Variants in ESR1 observed in about 807,000 individuals in gnomAD.
ESR1 encodes the protein estrogen receptor 1, also known as estrogen receptor.
ESR1 carries 12 observed loss-of-function variants against 52.7 expected under a neutral mutation model. The observed-to-expected ratio is 0.23, with a 90% CI of 0.15 to 0.37. ESR1 has a LOEUF of 0.37. Ranked by LOEUF, ESR1 falls within the 10% of genes least tolerant of loss-of-function variation. The probability of loss-of-function intolerance (pLI) is 1.00; values close to 1 mark genes in which losing one functional copy is unlikely to be tolerated. For missense variants in ESR1, 584 were observed against 779.7 expected (o/e 0.75, Z 2.99); for synonymous variants, 305 against 316.8 (o/e 0.96, Z 0.39).
chr6:152,038,763 T>C (rs1272141984), intron 5 of ESR1, among the ~76,000 whole-genome samples: 1 of 152,144 alleles, frequency 6.6e-6, no homozygotes, highest in Non-Finnish European at 1.5e-5. Context: ...CCCGAGTAGC[T>C]GGGATTACAG....
chr6:151,694,590 C>T (rs948884614), intron 1 of ESR1, among the ~76,000 whole-genome samples: 1 of 152,124 alleles, frequency 6.6e-6, no homozygotes, highest in Admixed American at 6.6e-5. Flanking sequence ...GAGTTCGTGA[C>T]CAGCCTGGCC....
chr6:151,738,428 G>A (rs2982552), intron 2 of ESR1, among the ~76,000 whole-genome samples: 67,651 of 151,940 alleles, frequency 0.45, 16,819 homozygotes, highest in Non-Finnish European at 0.55. Context: ...TAAATTTCTC[G>A]GAAACTGCCA....
intron 3 of ESR1, among the ~76,000 whole-genome samples, chr6:151,887,306 A>G (rs1014471996): frequency 8.6e-5 from 13 of 151,922 alleles, no homozygotes; most frequent in Non-Finnish European, 1.8e-4. Context: ...TCTAATCTAT[A>G]TATTTATGAT....
chr6:151,807,871 C>T lies in ESR1; in HGVS notation c.-42C>T. The T allele has an allele frequency of 1.9e-6, 3 of 1,576,970 alleles. No homozygotes were observed. Among genetic ancestry groups the T allele is most frequent in the Middle Eastern group, 1.7e-4 (1 of 6,012 alleles). On this transcript the variant is annotated 5_prime_UTR_variant, in exon 1 of 8. Transcript: ENST00000206249. ...GCCCGCCGGTTTCTGAGCCTTCTGC[C>T]CTGCGGGGACACGGTCTGCACCCTG...
At chr6:151,815,046 C>T (rs1293584190) in intron 1 of ESR1, among the ~76,000 whole-genome samples, 1 of 152,210 alleles carries the variant, frequency 6.6e-6, no homozygotes, top group Non-Finnish European at 1.5e-5. Flanking sequence ...CATGATTAAT[C>T]TTAATTACAC....
chr6:152,127,482 G>A (rs1457256870), exon 7 of ESR1: 3 of 152,122 alleles, frequency 2.0e-5, no homozygotes, highest in Non-Finnish European at 2.9e-5. Flanking sequence ...AGGGTGTGCC[G>A]ACTCATACCC....
chr6:152,008,287 T>G (rs1315025198), intron 4 of ESR1, among the ~76,000 whole-genome samples: 1 of 152,150 alleles, frequency 6.6e-6, no homozygotes, highest in Admixed American at 6.6e-5. Flanking sequence ...GCAACAGATC[T>G]AATAACCCTT....
At chr6:151,754,516 C>T (rs1029457579) in intron 2 of ESR1, among the ~76,000 whole-genome samples, 2 of 152,160 alleles carry the variant, frequency 1.3e-5, no homozygotes, top group African/African-American at 4.8e-5. Flanking sequence ...AGCAGTCAGC[C>T]TTCATTTATC....
rs112191152 is a variant in ESR1, at chr6:151,728,486, A to T, written c.-71+26481A>T. Reference sequence around the variant, plus strand: ...TGATCCAAAACCTTGAATAATTTTCAAACTCATTTATGATATCTGAAATAT... The same window carrying T: ...TGATCCAAAACCTTGAATAATTTTCTAACTCATTTATGATATCTGAAATAT... On this transcript the variant is annotated intron_variant, in intron 2 of 2. Transcript: ENST00000404742. Among the ~76,000 whole-genome samples, 933 of 152,364 alleles carry T rather than the reference A, an allele frequency of 6.1e-3. 9 individuals are homozygous for T. The highest frequency in any genetic ancestry group is 0.021 in the African/African-American group (876 of 41,586).
At chr6:152,109,091 A>C (rs969859034) in intron 6 of ESR1, among the ~76,000 whole-genome samples, 1 of 152,032 alleles carries the variant, frequency 6.6e-6, no homozygotes, top group Non-Finnish European at 1.5e-5. Flanking sequence ...CACACTTTTC[A>C]ACAACCAGAT....
At chr6:151,697,591 C>G (rs1779450865) in intron 1 of ESR1, among the ~76,000 whole-genome samples, 1 of 152,122 alleles carries the variant, frequency 6.6e-6, no homozygotes, top group Non-Finnish European at 1.5e-5. Flanking sequence ...AGAAAATGAT[C>G]ATATTTCTGT....
At chr6:151,846,674 A>T (rs1188554642) in intron 2 of ESR1, among the ~76,000 whole-genome samples, 1 of 152,260 alleles carries the variant, frequency 6.6e-6, no homozygotes, top group African/African-American at 2.4e-5. Context: ...TCCACTACTT[A>T]GTGTACAAAC....
chr6:151,668,218 A>G (rs571898544), intron 1 of ESR1, among the ~76,000 whole-genome samples: 91 of 152,324 alleles, frequency 6.0e-4, no homozygotes, highest in Middle Eastern at 3.4e-3. Flanking sequence ...GTGCCTCCAG[A>G]GGACAGGAAC....
chr6:152,027,945 C>T (rs1290894438), intron 5 of ESR1, among the ~76,000 whole-genome samples: 1 of 152,012 alleles, frequency 6.6e-6, no homozygotes, highest in Non-Finnish European at 1.5e-5. Flanking sequence ...AGATTGAGAC[C>T]ATCCTGGATA....
chr6:151,904,177 G>A (rs1797103899), intron 3 of ESR1, among the ~76,000 whole-genome samples: 1 of 152,144 alleles, frequency 6.6e-6, no homozygotes, highest in Non-Finnish European at 1.5e-5. Context: ...GCATAGACCT[G>A]TAGAAAATTT....
chr6:151,686,064 A>ATTTTTTTTTTTTT (rs557270210), upstream of ESR1, among the ~76,000 whole-genome samples: 166 of 114,324 alleles, frequency 1.5e-3, 6 homozygotes, highest in African/African-American at 6.4e-3. Flanking sequence ...AATTAAAACA[A>ATTTTTTTTTTTTT]TTTTTTTTTT....
chr6:152,099,234 C>T lies in ESR1; in HGVS notation c.*268C>T, dbSNP rs991255100. On this transcript the variant is annotated 3_prime_UTR_variant, in exon 8 of 8. Transcript: ENST00000206249. The stretch of plus-strand genomic sequence containing the variant: ...CTATGTTACTAAGCGTGAGGATTCC[C>T]GTAGCTCTTCACAGCTGAACTCAGT... 3.9e-5 allele frequency: 20 copies of T among 513,770 alleles called. No homozygotes were observed. Among genetic ancestry groups the T allele is most frequent in the African/African-American group, 2.1e-4 (11 of 52,592 alleles). The allele number at this position is 513,770 out of a possible 1,614,324, so 31.8% of individuals were successfully genotyped here.
intron 6 of ESR1, among the ~76,000 whole-genome samples, chr6:152,093,591 T>C (rs117569204): frequency 2.6e-5 from 4 of 152,148 alleles, no homozygotes; most frequent in Non-Finnish European, 5.9e-5. Flanking sequence ...GGCACTGTGA[T>C]GGTCTCACTT....
At chr6:152,002,506 G>A (rs538335453) in intron 4 of ESR1, among the ~76,000 whole-genome samples, 5 of 151,986 alleles carry the variant, frequency 3.3e-5, no homozygotes, top group Non-Finnish European at 7.4e-5. Context: ...AGGTACAAGT[G>A]CTTGTTGACT....
Sources: gnomAD v4.1 joint callset for allele counts (sites outside exome capture counted in the v4.1 genomes callset) on GRCh38, gnomAD v4.1.1 for gene constraint, MANE v1.5 for transcripts, NCBI Gene and HGNC (gene_info 2026-07-23, HGNC 2026-07-21) for gene names.